Variants in KIAA1217 observed in about 807,000 individuals in gnomAD.
KIAA1217 encodes the protein KIAA1217.
Under a neutral mutation model 163.9 loss-of-function variants are expected in KIAA1217, and 88 were observed. The observed-to-expected ratio is 0.54, with a 90% CI of 0.45 to 0.64. The LOEUF (loss-of-function observed/expected upper bound fraction) is 0.64, where lower values mean the gene tolerates loss of function less well. KIAA1217 is among the 30% of genes least tolerant of loss of function. The pLI is 0.00. For synonymous variants in KIAA1217, 903 were observed against 923.1 expected (o/e 0.98, Z 0.39); for missense variants, 2,372 against 2,475.0 (o/e 0.96, Z 0.88).
intron 1 of KIAA1217, among the ~76,000 whole-genome samples, chr10:23,891,859 C>T (rs1027248255): frequency 3.3e-5 from 5 of 151,936 alleles, no homozygotes; most frequent in African/African-American, 1.2e-4. Context: ...ATATATGCTT[C>T]TGTACTTCAT....
intron 5 of KIAA1217, among the ~76,000 whole-genome samples, chr10:24,459,643 C>G (rs553754688): frequency 6.6e-6 from 1 of 152,240 alleles, no homozygotes; most frequent in South Asian, 2.1e-4. Context: ...GGGATGTTGA[C>G]CAGGCGTGAT....
chr10:24,099,627 A>G (rs1033926146), intron 2 of KIAA1217, among the ~76,000 whole-genome samples: 2 of 148,476 alleles, frequency 1.3e-5, no homozygotes, highest in African/African-American at 4.9e-5. Context: ...TCTAGGGTAC[A>G]TGTGCACAAT....
chr10:24,500,767 A>T (rs981342665), intron 8 of KIAA1217, among the ~76,000 whole-genome samples: 1 of 152,174 alleles, frequency 6.6e-6, no homozygotes, highest in African/African-American at 2.4e-5. Context: ...AATTGCAGAT[A>T]TTCAGTATGC....
intron 10 of KIAA1217, among the ~76,000 whole-genome samples, chr10:24,514,443 TAG>T (rs1363136270): frequency 3.3e-5 from 5 of 152,292 alleles, no homozygotes; most frequent in African/African-American, 9.6e-5. Flanking sequence ...TGATTAAAAT[TAG>T]AGTGTCCCTC....
intron 2 of KIAA1217, among the ~76,000 whole-genome samples, chr10:24,317,142 T>G (rs921529680): frequency 6.6e-6 from 1 of 152,192 alleles, no homozygotes; most frequent in Non-Finnish European, 1.5e-5. Context: ...TGTAGTTTCT[T>G]GTCCAAAACT....
chr10:24,083,265 T>C (rs2061595416), intron 2 of KIAA1217, among the ~76,000 whole-genome samples: 1 of 152,208 alleles, frequency 6.6e-6, no homozygotes, highest in African/African-American at 2.4e-5. Context: ...GTGCCACAGA[T>C]GACTATTATC....
chr10:24,508,693 A>G (rs982872534), intron 9 of KIAA1217, among the ~76,000 whole-genome samples: 3 of 152,370 alleles, frequency 2.0e-5, no homozygotes, highest in Admixed American at 6.5e-5. Context: ...ATCCATTTGT[A>G]CAATGAAATG....
exon 2 of KIAA1217, chr10:24,007,358 G>C (rs564888298): frequency 6.6e-6 from 1 of 152,128 alleles, no homozygotes; most frequent in African/African-American, 2.4e-5. Flanking sequence ...TCCTCCTCCT[G>C]CTTATTTTCT....
intron 1 of KIAA1217, among the ~76,000 whole-genome samples, chr10:24,209,569 C>T (rs2067809773): frequency 1.3e-5 from 2 of 152,116 alleles, no homozygotes; most frequent in Non-Finnish European, 2.9e-5. Context: ...CACTAAGCAG[C>T]TTTTAATCAT....
At chr10:24,443,597 G>C (rs1420034801) in intron 5 of KIAA1217, among the ~76,000 whole-genome samples, 1 of 151,974 alleles carries the variant, frequency 6.6e-6, no homozygotes, top group Non-Finnish European at 1.5e-5. Context: ...TAAGTTTCTC[G>C]GGGGTCTTCT....
chr10:23,900,281 C>G (rs1841901190), intron 1 of KIAA1217, among the ~76,000 whole-genome samples: 1 of 152,088 alleles, frequency 6.6e-6, no homozygotes, highest in South Asian at 2.1e-4. Flanking sequence ...GCTGAGATTA[C>G]AAGCACGAGC....
chr10:24,274,926 CTCTTT>C (rs2077117407), intron 2 of KIAA1217, among the ~76,000 whole-genome samples: 1 of 151,980 alleles, frequency 6.6e-6, no homozygotes, highest in African/African-American at 2.4e-5. Flanking sequence ...AAAATTTATT[CTCTTT>C]TCTTATTTAA....
chr10:24,005,413 C>T (rs1320415510), intron 1 of KIAA1217, among the ~76,000 whole-genome samples: 1 of 152,152 alleles, frequency 6.6e-6, no homozygotes, highest in Non-Finnish European at 1.5e-5. Flanking sequence ...TACCATTATT[C>T]TAATAATAAT....
At chr10:24,370,733 C>G (rs776582012) in intron 2 of KIAA1217, among the ~76,000 whole-genome samples, 1 of 152,112 alleles carries the variant, frequency 6.6e-6, no homozygotes, top group African/African-American at 2.4e-5. Flanking sequence ...CAGGTGTGCA[C>G]CACGACTCCT....
intron 2 of KIAA1217, among the ~76,000 whole-genome samples, chr10:24,229,502 T>G (rs2071068877): frequency 6.6e-6 from 1 of 152,292 alleles, no homozygotes; most frequent in East Asian, 1.9e-4. Flanking sequence ...CTGTTTCTTT[T>G]TTATTTTTAT....
chr10:23,923,133 C>A (rs1305034606), intron 1 of KIAA1217, among the ~76,000 whole-genome samples: 2 of 152,150 alleles, frequency 1.3e-5, no homozygotes, highest in African/African-American at 4.8e-5. Context: ...TCCATTGTAT[C>A]ATTCTTATGC....
intron 2 of KIAA1217, among the ~76,000 whole-genome samples, chr10:24,022,461 C>T (rs1378726675): frequency 1.3e-5 from 2 of 151,644 alleles, no homozygotes; most frequent in Admixed American, 1.3e-4. Flanking sequence ...AGCTGACAAA[C>T]CAAATGCTAA....
rs536707895 is a variant in KIAA1217, at chr10:24,153,159, G to A, written c.-170-66467G>A. On this transcript the variant is annotated intron_variant, in intron 2 of 18. Coordinates refer to the KIAA1217 transcript ENST00000376462. ...GTCTGACTGTGGGGCTGTCTGTTTC[G>A]CTCCTGGGTTGATTGGCTACAGCTG... is the stretch of plus-strand genomic sequence containing the variant. Among the ~76,000 whole-genome samples the A allele has an allele frequency of 6.6e-5, 10 of 152,240 alleles. No individual in the cohort carries two copies. The South Asian group carries it at 1.5e-3, about 22-fold the overall frequency.
intron 1 of KIAA1217, among the ~76,000 whole-genome samples, chr10:23,865,534 C>T (rs1158380983): frequency 6.6e-6 from 1 of 152,120 alleles, no homozygotes; most frequent in African/African-American, 2.4e-5. Context: ...TGTCTTTTGA[C>T]ATTATTTGTG....
Sources: gnomAD v4.1 joint callset for allele counts (sites outside exome capture counted in the v4.1 genomes callset) on GRCh38, gnomAD v4.1.1 for gene constraint, MANE v1.5 for transcripts, NCBI Gene and HGNC (gene_info 2026-07-23, HGNC 2026-07-21) for gene names.